The following INSC variants were observed in gnomAD, a reference collection of about 807,000 sequenced individuals.
INSC encodes the protein protein inscuteable homolog.
Under a neutral mutation model 58.6 loss-of-function variants are expected in INSC, and 67 were observed. The observed-to-expected ratio is 1.14, with a 90% CI of 0.94 to 1.40. The LOEUF is 1.40. Among genes scored for constraint, INSC ranks in the 40% most tolerant of loss-of-function variants. The probability of loss-of-function intolerance (pLI) is 0.00; values close to 1 mark genes in which losing one functional copy is unlikely to be tolerated. For missense variants in INSC, 714 were observed against 692.0 expected (o/e 1.03, Z -0.36); for synonymous variants, 262 against 276.1 (o/e 0.95, Z 0.51).
At chr11:15,215,398 G>C (rs184127847) in intron 7 of INSC, among the ~76,000 whole-genome samples, 207 of 152,280 alleles carry the variant, frequency 1.4e-3, no homozygotes, top group Non-Finnish European at 2.4e-3. Flanking sequence ...CTGGCCTCAG[G>C]GTGGGCTACT....
chr11:15,118,587 C>T (rs1847792638), intron 1 of INSC, among the ~76,000 whole-genome samples: 1 of 152,154 alleles, frequency 6.6e-6, no homozygotes, highest in Non-Finnish European at 1.5e-5. Context: ...CCCCTGTGGC[C>T]TGGTACTGAG....
chr11:15,247,761 C>A (rs1852607229), downstream of INSC, among the ~76,000 whole-genome samples: 1 of 102,488 alleles, frequency 9.8e-6, no homozygotes, highest in African/African-American at 3.5e-5. Flanking sequence ...ATATATTTCA[C>A]TGAGTTGTGC....
upstream of INSC, chr11:15,114,919 G>A: frequency 3.0e-6 from 3 of 985,378 alleles, no homozygotes; most frequent in African/African-American, 1.7e-5. Context: ...CCGGCAGAGC[G>A]GCCACTTTGC....
At chr11:15,172,022 AG>A (rs1437195079) in intron 2 of INSC, among the ~76,000 whole-genome samples, 4 of 152,206 alleles carry the variant, frequency 2.6e-5, no homozygotes, top group Non-Finnish European at 4.4e-5. Flanking sequence ...AGGGGCCTTT[AG>A]CAAAGAAGAG....
intron 2 of INSC, among the ~76,000 whole-genome samples, chr11:15,173,241 GA>G (rs1169572167): frequency 6.6e-6 from 1 of 152,146 alleles, no homozygotes. Context: ...AGTTAAGTAA[GA>G]AGATCAAAAT....
intron 1 of INSC, among the ~76,000 whole-genome samples, chr11:15,144,559 C>A (rs1419760334): frequency 6.6e-6 from 1 of 152,202 alleles, no homozygotes; most frequent in Non-Finnish European, 1.5e-5. Context: ...GCCGCCAAAG[C>A]TTGACTACTT....
At position 15,239,036 on chromosome 11, in the gene INSC, G is replaced by T; in HGVS notation, c.1355G>T (p.Arg452Leu). The T allele has an allele frequency of 6.2e-7, 1 of 1,614,094 alleles. No individual in the cohort carries two copies. Among genetic ancestry groups the T allele is most frequent in the Non-Finnish European group, 8.5e-7 (1 of 1,179,994 alleles). The stretch of plus-strand genomic sequence containing the variant: ...GCAGTGACCCTGGCTCGTCTCAGCC[G>T]AGACCCAGATGTGGCACGGGAGGCC... ...KAAVTLARLS[R>L]DPDVAREAVR... Residue 452 changes from arginine (R) to leucine (L), a missense_variant, in exon 11 of 13, where the codon CGA becomes CTA. Arg to Leu is a moderately radical substitution (Grantham distance 102, BLOSUM62 -2). Coordinates refer to ENST00000379556, the MANE Select transcript of INSC (RefSeq NM_001042536.3).
intron 1 of INSC, among the ~76,000 whole-genome samples, chr11:15,135,192 G>C (rs1042931067): frequency 2.0e-5 from 3 of 152,120 alleles, no homozygotes; most frequent in African/African-American, 7.2e-5. Context: ...AGATGTTTTT[G>C]GAGCATCATA....
intron 7 of INSC, among the ~76,000 whole-genome samples, chr11:15,214,461 A>G (rs1262917093): frequency 6.6e-6 from 1 of 152,198 alleles, no homozygotes; most frequent in Admixed American, 6.5e-5. Context: ...CAACCTCCCT[A>G]AAAAACAAAA....
At chr11:15,119,502 TC>T (rs1262260046) in intron 1 of INSC, among the ~76,000 whole-genome samples, 1 of 152,190 alleles carries the variant, frequency 6.6e-6, no homozygotes, top group Non-Finnish European at 1.5e-5. Flanking sequence ...CAGATCAGAC[TC>T]TGTTTGGTGT....
chr11:15,187,418 C>A (rs1364903383), intron 5 of INSC, among the ~76,000 whole-genome samples: 1 of 152,152 alleles, frequency 6.6e-6, no homozygotes, highest in Non-Finnish European at 1.5e-5. Context: ...TATGTAACCC[C>A]TTTGCACAGA....
intron 8 of INSC, among the ~76,000 whole-genome samples, chr11:15,222,238 T>C (rs1219912827): frequency 6.6e-6 from 1 of 152,218 alleles, no homozygotes; most frequent in Non-Finnish European, 1.5e-5. Flanking sequence ...TAGTTTTCCT[T>C]TGCTAAATTA....
At chr11:15,247,756 T>TATATATATATATATATATATATATATATA (rs1473234183), downstream of INSC, among the ~76,000 whole-genome samples, 13 of 148,418 alleles carry the variant, frequency 8.8e-5, no homozygotes, top group Admixed American at 2.7e-4. Flanking sequence ...TATATATATA[T>TATATATATATATATATATATATATATATA]TTCACTGAGT....
intron 6 of INSC, among the ~76,000 whole-genome samples, chr11:15,200,087 C>G (rs1217068838): frequency 2.6e-5 from 4 of 151,880 alleles, no homozygotes; most frequent in Non-Finnish European, 5.9e-5. Context: ...AAACAGCTCT[C>G]ACAAAAGGAA....
In INSC at chr11:15,221,638, A is replaced by C. The variant is rs763932313; in HGVS notation, c.981A>C (p.Thr327=). ...SFLESMEEIV[T]ALVKLCQEAS... ...TGGAGAGCATGGAGGAGATCGTGAC[A>C]GCCCTCGTCAGTGAGTCACCCTGGG... The change falls in exon 8 of 13, where the codon ACA becomes ACC. Residue 327 remains threonine (T), a synonymous_variant. Transcript: ENST00000379556. 6.2e-7 allele frequency: 1 copy of C among 1,610,834 alleles called. No individual in the cohort carries two copies. The highest frequency in any genetic ancestry group is 8.5e-7 in the Non-Finnish European group (1 of 1,178,098).
At chr11:15,195,406 T>C (rs1304266886) in intron 6 of INSC, among the ~76,000 whole-genome samples, 1 of 152,104 alleles carries the variant, frequency 6.6e-6, no homozygotes, top group Non-Finnish European at 1.5e-5. Context: ...ACATGGGTTC[T>C]GAAGATATTT....
chr11:15,254,817 C>T, the INSC span, among the ~76,000 whole-genome samples: 1 of 152,144 alleles, frequency 6.6e-6, no homozygotes, highest in Non-Finnish European at 1.5e-5. Context: ...ATGCAGAGGC[C>T]ATCTAGGCTG....
At position 15,215,207 on chromosome 11, in the gene INSC, C is replaced by CCCATT. The variant is rs559777849; in HGVS notation, c.820-6260_820-6256dup. On this transcript the variant is annotated intron_variant, in intron 7 of 12. Transcript: ENST00000379556. ...AGGAAAGTCTGGCTTCAGGCCCAGG[C>CCCATT]CCATTCCATTCCATGTAAAATCTAA... Among the ~76,000 whole-genome samples the CCCATT allele has an allele frequency of 2.8e-3, 426 of 152,326 alleles. 2 individuals carry two copies. The highest frequency in any genetic ancestry group is 9.8e-3 in the African/African-American group (408 of 41,560).
intron 10 of INSC, among the ~76,000 whole-genome samples, chr11:15,237,253 A>G (rs1481612716): frequency 6.6e-6 from 1 of 152,220 alleles, no homozygotes; most frequent in African/African-American, 2.4e-5. Context: ...AAAATATAAC[A>G]TCTACAATAG....
Sources: allele counts gnomAD v4.1 joint callset (sites outside exome capture counted in the v4.1 genomes callset), GRCh38; gene constraint gnomAD v4.1.1; transcripts MANE v1.5; gene names NCBI Gene and HGNC (gene_info 2026-07-23, HGNC 2026-07-21).